Variants in ATM observed in about 807,000 individuals in gnomAD.
ATM encodes ATM serine/threonine kinase, also known as serine-protein kinase ATM.
A neutral mutation model predicts 387.0 loss-of-function variants in ATM; 308 were observed. The ratio of observed to expected loss-of-function variants is 0.80; its 90% CI spans 0.73 to 0.87. The LOEUF is 0.87. Among genes scored for constraint, ATM ranks in the 40% least tolerant of loss-of-function variants. ATM has a pLI of 0.00. For missense variants in ATM, 3,312 were observed against 3,560.9 expected (o/e 0.93, Z 1.78); for synonymous variants, 1,156 against 1,187.3 (o/e 0.97, Z 0.54).
rs886039627 is a variant in ATM at position 108,301,662 on chromosome 11, C to G, written c.5192C>G (p.Ser1731Ter). The change falls in exon 35 of 63, where the codon TCA becomes TGA. Residue 1731 changes from serine (S) to a stop codon, truncating the protein, a stop_gained. Transcript: ENST00000675843. LOFTEE classifies it high-confidence loss of function. ...TLVEDCVKVR[S>*]AAVTCLKNIL... is the part of the protein sequence containing the mutation. The stretch of plus-strand genomic sequence containing the variant: ...GTTTTTTTCAGTGTCAAAGTTCGAT[C>G]AGCAGCTGTTACCTGTTTGAAAAAC... The G allele has an allele frequency of 6.2e-7, 1 of 1,613,532 alleles. No individual in the cohort carries two copies. Among genetic ancestry groups the G allele is most frequent in the Non-Finnish European group, 8.5e-7 (1 of 1,179,700 alleles).
intron 31 of ATM, among the ~76,000 whole-genome samples, chr11:108,294,663 C>T (rs371153207): frequency 2.6e-5 from 4 of 152,130 alleles, no homozygotes; most frequent in East Asian, 1.9e-4. Flanking sequence ...TCACTTGAAC[C>T]GGGGAGGCGG....
rs2135294063 is a variant in ATM, at chr11:108,249,047, G to T, written c.1180G>T (p.Glu394Ter). ...AAGGAAGAAAATAGAACTAGGCTGG[G>T]AAGTAATAAAAGATCACCTTCAGAA... The part of the protein sequence containing the change: ...CKRKKIELGW[E>*]VIKDHLQKSQ... The change falls in exon 9 of 63, where the codon GAA (glutamate) becomes TAA (stop). Residue 394 changes from glutamate (E) to a stop codon, truncating the protein, a stop_gained. Coordinates refer to ENST00000675843, the MANE Select transcript of ATM (RefSeq NM_000051.4). LOFTEE classifies it high-confidence loss of function. The T allele has an allele frequency of 6.2e-7, 1 of 1,614,046 alleles. No individual in the cohort carries two copies. The highest frequency in any genetic ancestry group is 8.5e-7 in the Non-Finnish European group (1 of 1,179,988).
At chr11:108,292,952 A>C (rs993236499) in intron 30 of ATM, among the ~76,000 whole-genome samples, 159 bp downstream of exon 30, 3 of 152,214 alleles carry the variant, frequency 2.0e-5, no homozygotes, top group Admixed American at 6.5e-5. Flanking sequence ...TAACCTTTGT[A>C]ATCAATTACA....
chr11:108,307,974 A>G lies in ATM; in HGVS notation c.5752A>G (p.Arg1918Gly). Reference sequence around the variant, plus strand: ...GCTTGCTGTTGTGGACTACATGAGAAGACAAAAGAGGTAATGTAATGAGTG... The same window carrying G: ...GCTTGCTGTTGTGGACTACATGAGAGGACAAAAGAGGTAATGTAATGAGTG... ...TMLAVVDYMR[R>G]QKRPSSGTIF... The change falls in exon 38 of 63, where the codon AGA becomes GGA. Residue 1918 changes from arginine (R) to glycine (G), a missense_variant. Transcript: ENST00000675843. 1 of 1,611,148 alleles carries G rather than the reference A, an allele frequency of 6.2e-7. No homozygotes were observed.
At chr11:108,267,051 C>A in intron 16 of ATM, 120 bp from the exon 17 acceptor site, 1 of 1,012,768 alleles carries the variant, frequency 9.9e-7, no homozygotes, top group Non-Finnish European at 1.5e-6. Context: ...CTGGCTCTGC[C>A]TCCCAAATTG....
intron 46 of ATM, 125 bp downstream of exon 46, chr11:108,325,669 A>G (rs2085605317): frequency 1.1e-6 from 1 of 873,446 alleles, no homozygotes; most frequent in Non-Finnish European, 1.7e-6. Context: ...TATATAGTAA[A>G]AATAATTGTT....
At chr11:108,315,946 T>C in intron 41 of ATM, 35 bp downstream of exon 41, 1 of 1,606,782 alleles carries the variant, frequency 6.2e-7, no homozygotes, top group Non-Finnish European at 8.5e-7. Flanking sequence ...GGTATAGTAA[T>C]TCTGTTTATG....
intron 37 of ATM, among the ~76,000 whole-genome samples, chr11:108,305,303 G>T (rs928852194): frequency 6.6e-6 from 1 of 152,162 alleles, no homozygotes; most frequent in Admixed American, 6.5e-5. Flanking sequence ...CCTTTGGCCG[G>T]GCACAGTGGC....
rs786203287 is a variant in ATM, at chr11:108,284,376, C to T, written c.3896C>T (p.Ala1299Val). Residue 1299 changes from alanine (A) to valine (V), a missense_variant, in exon 26 of 63, where the codon GCC becomes GTC. Physicochemically the swap from Ala to Val is moderately conservative, Grantham distance 64 (BLOSUM62 0). Coordinates refer to ENST00000675843, the MANE Select transcript of ATM (RefSeq NM_000051.4). ...KILVNILPYFAYEGTRDSGMA... is the reference protein window; with the variant it reads ...KILVNILPYFVYEGTRDSGMA... ...CTTGTAAATATTCTTCCTTATTTTG[C>T]CTATGAGGGTACCAGAGACAGTGGG... is the stretch of plus-strand genomic sequence containing the variant. 6.2e-7 allele frequency: 1 copy of T among 1,613,872 alleles called. No individual in the cohort carries two copies. Among genetic ancestry groups the T allele is most frequent in the Admixed American group, 1.7e-5 (1 of 60,012 alleles).
rs745399310 is a variant in ATM at position 108,256,258 on chromosome 11, T to C, written c.2168T>C (p.Val723Ala). 8.1e-6 allele frequency: 13 copies of C among 1,610,334 alleles called. No individual in the cohort carries two copies. In the Admixed American group the frequency reaches 2.2e-4, roughly 27 times the overall value. The change falls in exon 14 of 63, where the codon GTG (valine) becomes GCG (alanine). Residue 723 changes from valine to alanine, a missense_variant. Val to Ala is a moderately conservative substitution (Grantham distance 64). Around this residue, in one of 4 missense-constraint regions of ATM, gnomAD observed 1,791 missense variants for 1,804.5 expected, o/e 0.99. Transcript: ENST00000675843. ...CTTGTCCGGTGTTCACGTCTTTTGGTGGGTGTCCTTGGCTGCTACTGTTAC... is the reference window on the plus strand; with the variant it reads ...CTTGTCCGGTGTTCACGTCTTTTGGCGGGTGTCCTTGGCTGCTACTGTTAC... ...ETLVRCSRLL[V>A]GVLGCYCYMG...
At position 108,247,116 on chromosome 11, in the gene ATM, A is replaced by G. The variant is rs748380019; in HGVS notation, c.1054A>G (p.Ile352Val). 2 of 1,613,716 alleles carry G rather than the reference A, an allele frequency of 1.2e-6. No individual in the cohort carries two copies. The highest frequency in any genetic ancestry group is 1.7e-6 in the Non-Finnish European group (2 of 1,179,852). The change falls in exon 8 of 63, where the codon ATC becomes GTC. Residue 352 changes from isoleucine to valine, a missense_variant. Ile to Val is a conservative substitution (Grantham distance 29). Coordinates refer to ENST00000675843, the MANE Select transcript of ATM (RefSeq NM_000051.4). ...AAATTTGATTGAATTGATGGCAGATATCTGTCACCAGGTACAGTAAGTAGG... is the reference window on the plus strand; with the variant it reads ...AAATTTGATTGAATTGATGGCAGATGTCTGTCACCAGGTACAGTAAGTAGG... ...KENLIELMAD[I>V]CHQVFNEDTR...
chr11:108,317,574 A>C lies in ATM; in HGVS notation c.6347+53A>C. 2.0e-6 allele frequency: 3 copies of C among 1,500,876 alleles called. No individual in the cohort carries two copies. The South Asian group carries it at 3.4e-5, about 17-fold the overall frequency. 93.0% of individuals were successfully genotyped at this position (1,500,876 alleles called of 1,614,324 possible). A position where few individuals can be genotyped will look rare whatever the true frequency, so the allele number is the denominator to read the frequency against. On this transcript the variant is annotated intron_variant, in intron 43 of 62. Coordinates refer to ENST00000675843, the MANE Select transcript of ATM (RefSeq NM_000051.4). ...TTTTGCCTCTCTCCTCATTCTAAAC[A>C]ACAACTGTTTTTCTCTTCTATGAAT... is the stretch of plus-strand genomic sequence containing the variant.
intron 5 of ATM, among the ~76,000 whole-genome samples, chr11:108,242,467 G>C (rs952781737): frequency 6.6e-6 from 1 of 152,066 alleles, no homozygotes; most frequent in Non-Finnish European, 1.5e-5. Context: ...AAAATAAAAG[G>C]CATACAGATT....
At chr11:108,332,925 G>A (rs1249429262) in intron 53 of ATM, 25 bp downstream of exon 53, 11 of 1,604,518 alleles carry the variant, frequency 6.9e-6, no homozygotes, top group Admixed American at 1.7e-5. Context: ...AAGAAGAAAC[G>A]TTACTTTCTT....
intron 5 of ATM, among the ~76,000 whole-genome samples, chr11:108,239,575 T>G (rs1319930206): frequency 6.6e-6 from 1 of 152,230 alleles, no homozygotes; most frequent in African/African-American, 2.4e-5. Flanking sequence ...TTCTACCTTC[T>G]GATTATTGTG....
intron 45 of ATM, among the ~76,000 whole-genome samples, chr11:108,323,995 G>T (rs2085421239): frequency 2.6e-5 from 4 of 152,010 alleles, no homozygotes; most frequent in Admixed American, 2.6e-4. Context: ...GTATACAGTT[G>T]AAATTCTTTA....
intron 8 of ATM, 73 bp from the exon 9 acceptor site, chr11:108,248,860 C>A (rs1297723843): frequency 2.2e-6 from 3 of 1,347,504 alleles, no homozygotes; most frequent in African/African-American, 3.0e-5. Flanking sequence ...TCCACTCCAA[C>A]CTGGGCAACA....
At chr11:108,331,810 A>G (rs2136509991) in intron 51 of ATM, 69 bp from the exon 52 acceptor site, 3 of 1,553,836 alleles carry the variant, frequency 1.9e-6, no homozygotes, top group Non-Finnish European at 2.7e-6. Flanking sequence ...TTTAATGTTA[A>G]GCAAAATGAA....
intron 56 of ATM, among the ~76,000 whole-genome samples, chr11:108,336,760 G>A (rs537473558): frequency 1.3e-5 from 2 of 152,290 alleles, no homozygotes; most frequent in East Asian, 3.9e-4. Flanking sequence ...CAATGGGAGT[G>A]TACCCACTTA....
Sources: gnomAD v4.1 joint callset for allele counts (sites outside exome capture counted in the v4.1 genomes callset) on GRCh38, gnomAD v4.1.1 for gene constraint, gnomAD v4.1.1 regional missense constraint, MANE v1.5 for transcripts, NCBI Gene and HGNC (gene_info 2026-07-23, HGNC 2026-07-21) for gene names.